Variants in CLDN12 observed in about 807,000 individuals in gnomAD.
CLDN12 encodes the protein claudin-12.
A neutral mutation model predicts 15.5 loss-of-function variants in CLDN12; 9 were observed. That is an observed-to-expected ratio of 0.58 (90% CI 0.35 to 1.02). The LOEUF is 1.02. Among genes scored for constraint, CLDN12 ranks in the 50% least tolerant of loss-of-function variants. The pLI is 0.02. For synonymous variants in CLDN12, 140 were observed against 121.6 expected (o/e 1.15, Z -1.00); for missense variants, 233 against 297.3 (o/e 0.78, Z 1.59).
Position 90,412,232 on chromosome 7 carries a change from A to G in CLDN12, c.-34+183A>G, listed in dbSNP as rs192099728. 9.1e-4 allele frequency: 146 copies of G among 161,214 alleles called. 1 individual carries two copies. In the Middle Eastern group the frequency reaches 0.025, roughly 28 times the overall value. The allele number at this position is 161,214 out of a possible 1,614,324, so 10.0% of individuals were successfully genotyped here. On this transcript the variant is annotated intron_variant, in intron 3 of 3. Coordinates refer to ENST00000496677, the MANE Select transcript of CLDN12 (RefSeq NM_001185072.3). The stretch of plus-strand genomic sequence containing the variant: ...AATTTGTGGTGTTTGTAGCTAACTG[A>G]TGATTGATGAGTGGGCCCTTGCTGT...
intron 2 of CLDN12, chr7:90,408,840 A>G (rs537925380): frequency 5.9e-5 from 9 of 152,308 alleles, no homozygotes; most frequent in African/African-American, 2.2e-4. Context: ...CTACTGAAAT[A>G]TATATTGTCG....
chr7:90,412,205 T>G (rs1170850860), intron 3 of CLDN12, 156 bp downstream of exon 3: 2 of 159,922 alleles, frequency 1.3e-5, no homozygotes, highest in African/African-American at 4.8e-5. Flanking sequence ...CATTTGAGGC[T>G]GAATTTGTGG....
At chr7:90,407,258 A>G (rs947101583) in intron 2 of CLDN12, among the ~76,000 whole-genome samples, 1 of 152,218 alleles carries the variant, frequency 6.6e-6, no homozygotes, top group Non-Finnish European at 1.5e-5. Context: ...ACCTAGATAT[A>G]TATTTCTAGA....
chr7:90,404,925 C>G (rs1796805405), intron 1 of CLDN12, among the ~76,000 whole-genome samples: 1 of 150,152 alleles, frequency 6.7e-6, no homozygotes, highest in Admixed American at 6.7e-5. Context: ...CAGATCATTG[C>G]TATGTCATCC....
Position 90,412,782 on chromosome 7 carries a change from T to C in CLDN12, c.106T>C (p.Leu36=). The change falls in exon 4 of 4, where the codon TTA becomes CTA. Residue 36 remains leucine, a synonymous_variant. Coordinates refer to ENST00000496677, the MANE Select transcript of CLDN12 (RefSeq NM_001185072.3). ...AGTLLPNWRK[L]RLITFNRNEK... The stretch of plus-strand genomic sequence containing the variant: ...GACTCTGCTTCCCAACTGGAGAAAA[T>C]TACGATTGATCACATTCAACAGAAA... 4 of 1,614,074 alleles carry C rather than the reference T, an allele frequency of 2.5e-6. No individual in the cohort carries two copies. The highest frequency in any genetic ancestry group is 3.4e-6 in the Non-Finnish European group (4 of 1,180,032).
intron 2 of CLDN12, chr7:90,406,159 A>G (rs1380700754): frequency 1.3e-5 from 2 of 152,214 alleles, no homozygotes; most frequent in African/African-American, 4.8e-5. Flanking sequence ...TCTTGTAACT[A>G]TAACTCAGAA....
intron 1 of CLDN12, among the ~76,000 whole-genome samples, chr7:90,404,285 G>T: frequency 6.6e-6 from 1 of 151,850 alleles, no homozygotes. Flanking sequence ...GGCGGGGGAG[G>T]GGTTGGGGGG....
In CLDN12 at chr7:90,408,458, T is replaced by C. The variant is rs75213988; in HGVS notation, c.-77+2850T>C. ...CTCAGCTCACTGAAATCTAGTGAGCTGTGATCATGCCCTGCACTCCAGCTT... is the reference window on the plus strand; with the variant it reads ...CTCAGCTCACTGAAATCTAGTGAGCCGTGATCATGCCCTGCACTCCAGCTT... On this transcript the variant is annotated intron_variant, in intron 2 of 3. Coordinates refer to ENST00000496677, the MANE Select transcript of CLDN12 (RefSeq NM_001185072.3). Among the ~76,000 whole-genome samples, 930 of 152,286 alleles carry C rather than the reference T, an allele frequency of 6.1e-3. 12 individuals are homozygous for C. Among genetic ancestry groups the C allele is most frequent in the African/African-American group, 0.02 (835 of 41,558 alleles).
chr7:90,414,915 A>G lies in CLDN12; in HGVS notation c.*1504A>G, dbSNP rs1434396237. 1 of 167,072 alleles carries G rather than the reference A, an allele frequency of 6.0e-6. No individual in the cohort carries two copies. Among genetic ancestry groups the G allele is most frequent in the Non-Finnish European group, 1.5e-5 (1 of 68,128 alleles). The allele number at this position is 167,072 out of a possible 1,614,324, so 10.3% of individuals were successfully genotyped here. A position where few individuals can be genotyped will look rare whatever the true frequency, so the allele number is the denominator to read the frequency against. ...AGAAATTCAGGGATATTGGGTCTTT[A>G]GCCTTATGAATTTGAGCTGCTTATT... is the stretch of plus-strand genomic sequence containing the variant. On this transcript the variant is annotated 3_prime_UTR_variant, in exon 4 of 4. Coordinates refer to ENST00000496677, the MANE Select transcript of CLDN12 (RefSeq NM_001185072.3).
In CLDN12 at chr7:90,413,838, C is replaced by A; in HGVS notation, c.*427C>A. ...AGTTTCAAATATAAGAAATTTATTT[C>A]AGGTAAGGGTAATATTTTAATAGTA... On this transcript the variant is annotated 3_prime_UTR_variant, in exon 4 of 4. Coordinates refer to ENST00000496677, the MANE Select transcript of CLDN12 (RefSeq NM_001185072.3). 1 of 1,001,296 alleles carries A rather than the reference C, an allele frequency of 1.0e-6. No individual in the cohort carries two copies. The highest frequency in any genetic ancestry group is 1.2e-6 in the Non-Finnish European group (1 of 830,414). The allele number at this position is 1,001,296 out of a possible 1,614,324, so 62.0% of individuals were successfully genotyped here.
In CLDN12 at chr7:90,413,336, C is replaced by T. The variant is rs769020005; in HGVS notation, c.660C>T (p.Tyr220=). Residue 220 remains tyrosine, a synonymous_variant, in exon 4 of 4, where the codon TAC becomes TAT. Transcript: ENST00000496677. ...CCCATCCACCCAGTATGCATACTTA[C>T]TCACAGCCCTATTCAGCACGCTCTC... ...LYSHPPSMHT[Y]SQPYSARSRL... 3 of 1,614,168 alleles carry T rather than the reference C, an allele frequency of 1.9e-6. No individual in the cohort carries two copies. In the South Asian group the frequency reaches 3.3e-5, roughly 18 times the overall value.
chr7:90,409,948 G>C (rs1796925581), intron 2 of CLDN12, among the ~76,000 whole-genome samples: 1 of 152,188 alleles, frequency 6.6e-6, no homozygotes, highest in Non-Finnish European at 1.5e-5. Context: ...CTGAATGAAT[G>C]ATTGCTTCTT....
rs540218408 is a variant in CLDN12, at chr7:90,414,646, C to T, written c.*1235C>T. 6.0e-6 allele frequency: 1 copy of T among 167,532 alleles called. No individual in the cohort carries two copies. Among genetic ancestry groups the T allele is most frequent in the East Asian group, 1.9e-4 (1 of 5,190 alleles). 10.4% of individuals were successfully genotyped at this position (167,532 alleles called of 1,614,324 possible). A position where few individuals can be genotyped will look rare whatever the true frequency, so the allele number is the denominator to read the frequency against. On this transcript the variant is annotated 3_prime_UTR_variant, in exon 4 of 4. Transcript: ENST00000496677. The stretch of plus-strand genomic sequence containing the variant: ...TGGCAGACAGACAAATTGTACAACA[C>T]CAACAATATCCTGGACCTTGAAATT...
In CLDN12 at chr7:90,415,449, C is replaced by G. The variant is rs894138443; in HGVS notation, c.*2038C>G. On this transcript the variant is annotated 3_prime_UTR_variant, in exon 4 of 4. Transcript: ENST00000496677. ...TAGACTCAGTCTTTAAGATATTAGACAGTTTTTTTAGTCCATGGGATTGTA... is the reference window on the plus strand; with the variant it reads ...TAGACTCAGTCTTTAAGATATTAGAGAGTTTTTTTAGTCCATGGGATTGTA... The G allele has an allele frequency of 6.0e-6, 1 of 166,784 alleles. No homozygotes were observed. Among genetic ancestry groups the G allele is most frequent in the Non-Finnish European group, 1.5e-5 (1 of 68,088 alleles). 10.3% of individuals were successfully genotyped at this position (166,784 alleles called of 1,614,324 possible). A position where few individuals can be genotyped will look rare whatever the true frequency, so the allele number is the denominator to read the frequency against.
chr7:90,411,483 C>A (rs888631608), intron 2 of CLDN12, among the ~76,000 whole-genome samples: 4 of 152,140 alleles, frequency 2.6e-5, no homozygotes, highest in African/African-American at 9.7e-5. Flanking sequence ...GAATGAAAGG[C>A]CTGGCGACTG....
In CLDN12 at chr7:90,412,974, G is replaced by T. The variant is rs1360064110; in HGVS notation, c.298G>T (p.Ala100Ser). The T allele has an allele frequency of 6.2e-7, 1 of 1,614,150 alleles. No homozygotes were observed. The highest frequency in any genetic ancestry group is 8.5e-7 in the Non-Finnish European group (1 of 1,180,018). Residue 100 changes from alanine (A) to serine (S), a missense_variant, in exon 4 of 4, where the codon GCC becomes TCC. Coordinates refer to ENST00000496677, the MANE Select transcript of CLDN12 (RefSeq NM_001185072.3). ...CCTCAGCATGCTGATCGCCATGGGT[G>T]CCCTGCTGCTCTGCCTGATTGGAAT... ...LPLSMLIAMG[A>S]LLLCLIGMCN...
chr7:90,404,704 G>T (rs1406602339), intron 1 of CLDN12, among the ~76,000 whole-genome samples: 1 of 151,996 alleles, frequency 6.6e-6, no homozygotes, highest in Non-Finnish European at 1.5e-5. Flanking sequence ...TCATGAAAAT[G>T]ATCTAAAACA....
In CLDN12 at chr7:90,413,643, T is replaced by C. The variant is rs1797017943; in HGVS notation, c.*232T>C. 6.2e-6 allele frequency: 8 copies of C among 1,294,178 alleles called. No individual in the cohort carries two copies. Among genetic ancestry groups the C allele is most frequent in the Non-Finnish European group, 7.9e-6 (8 of 1,016,374 alleles). The allele number at this position is 1,294,178 out of a possible 1,614,324, so 80.2% of individuals were successfully genotyped here. ...ACTGGAAGGAATTTTAGCCTTCATA[T>C]TGATATCTAATTAATTATTTAAGTG... On this transcript the variant is annotated 3_prime_UTR_variant, in exon 4 of 4. Transcript: ENST00000496677.
intron 2 of CLDN12, among the ~76,000 whole-genome samples, chr7:90,411,667 A>G (rs1796966459): frequency 6.6e-6 from 1 of 151,104 alleles, no homozygotes; most frequent in Non-Finnish European, 1.5e-5. Flanking sequence ...CAAGGAAGTA[A>G]TTAAGCAGAA....
Sources: gnomAD v4.1 joint callset for allele counts (sites outside exome capture counted in the v4.1 genomes callset) on GRCh38, gnomAD v4.1.1 for gene constraint, MANE v1.5 for transcripts, NCBI Gene and HGNC (gene_info 2026-07-23, HGNC 2026-07-21) for gene names.